Variants in FAM171A1 observed in about 807,000 individuals in gnomAD.
FAM171A1 encodes family with sequence similarity 171 member A1, also known as protein FAM171A1.
FAM171A1 carries 23 observed loss-of-function variants against 74.9 expected under a neutral mutation model. That is an observed-to-expected ratio of 0.31 (90% CI 0.22 to 0.44). The LOEUF (loss-of-function observed/expected upper bound fraction) is 0.44. FAM171A1 is among the 20% of genes least tolerant of loss of function. The pLI, the probability that FAM171A1 is intolerant of heterozygous loss-of-function variation, is 1.00. For synonymous variants in FAM171A1, 527 were observed against 505.7 expected, an observed-to-expected ratio of 1.04 and a Z score of -0.57; for missense variants, 1,162 against 1,159.2, an observed-to-expected ratio of 1.00 and a Z score of -0.03.
At chr10:15,342,793 G>A (rs541507054) in intron 1 of FAM171A1, among the ~76,000 whole-genome samples, 1 of 152,334 alleles carries the variant, frequency 6.6e-6, no homozygotes, top group African/African-American at 2.4e-5. Context: ...TAGAAGGCAA[G>A]TCAGACCCTC....
chr10:15,301,111 G>C (rs564457101), intron 1 of FAM171A1, among the ~76,000 whole-genome samples: 206 of 152,246 alleles, frequency 1.4e-3, no homozygotes, highest in African/African-American at 4.1e-3. Flanking sequence ...GGTCTCTTAA[G>C]TACTTCTGCA....
intron 1 of FAM171A1, among the ~76,000 whole-genome samples, chr10:15,330,129 G>A (rs894421395): frequency 6.6e-6 from 1 of 152,154 alleles, no homozygotes; most frequent in Non-Finnish European, 1.5e-5. Context: ...ATCACTTGAA[G>A]TCAGGAGTTC....
chr10:15,242,957 T>C (rs1834381414), intron 5 of FAM171A1, among the ~76,000 whole-genome samples: 1 of 152,214 alleles, frequency 6.6e-6, no homozygotes, highest in African/African-American at 2.4e-5. Flanking sequence ...TTGTATTCAT[T>C]TCCTATTGCT....
At chr10:15,363,128 C>T (rs562777621) in intron 1 of FAM171A1, among the ~76,000 whole-genome samples, 9 of 152,176 alleles carry the variant, frequency 5.9e-5, no homozygotes, top group East Asian at 5.8e-4. Flanking sequence ...ATAAAGGAAA[C>T]GCTTTAGAGG....
intron 1 of FAM171A1, among the ~76,000 whole-genome samples, chr10:15,294,746 T>C (rs1835141162): frequency 6.6e-6 from 1 of 152,286 alleles, no homozygotes; most frequent in African/African-American, 2.4e-5. Context: ...CTGTTTCCAA[T>C]TGTTGGCTTG....
chr10:15,365,291 C>A (rs1836045592), intron 1 of FAM171A1, among the ~76,000 whole-genome samples: 1 of 152,156 alleles, frequency 6.6e-6, no homozygotes, highest in Non-Finnish European at 1.5e-5. Flanking sequence ...TGCCGGGCTG[C>A]AGAAGGAAGG....
intron 1 of FAM171A1, among the ~76,000 whole-genome samples, chr10:15,350,515 G>T (rs1448905418): frequency 6.8e-6 from 1 of 146,908 alleles, no homozygotes; most frequent in African/African-American, 2.5e-5. Context: ...CTAATTTTTT[G>T]TATTTTTAGT....
At chr10:15,218,730 G>T (rs1156742771) in intron 6 of FAM171A1, among the ~76,000 whole-genome samples, 1 of 152,050 alleles carries the variant, frequency 6.6e-6, no homozygotes. Flanking sequence ...AAGTAACCGG[G>T]ATTACAGGTG....
At position 15,318,360 on chromosome 10, in the gene FAM171A1, T is replaced by C. The variant is rs533923242; in HGVS notation, c.98-34255A>G. On this transcript the variant is annotated intron_variant, in intron 1 of 7. Transcript: ENST00000378116. The stretch of plus-strand genomic sequence containing the variant: ...GTCCTTCCCGGAAGGGAAAAGCTAC[T>C]GAGCTCAGTGATCAGTCCCAGTGCT... 2.0e-5 allele frequency among the ~76,000 whole-genome samples: 3 copies of C among 152,334 alleles called. No individual in the cohort carries two copies. The East Asian group carries it at 5.8e-4, about 29-fold the overall frequency.
intron 5 of FAM171A1, among the ~76,000 whole-genome samples, chr10:15,235,286 A>G (rs1305563240): frequency 7.8e-6 from 1 of 128,444 alleles, no homozygotes; most frequent in Non-Finnish European, 1.6e-5. Context: ...TGGGAGACAG[A>G]GCGAGACTCT....
At chr10:15,287,372 G>A (rs1425949717) in intron 1 of FAM171A1, among the ~76,000 whole-genome samples, 1 of 149,642 alleles carries the variant, frequency 6.7e-6, no homozygotes, top group African/African-American at 2.5e-5. Flanking sequence ...GATTACAGGT[G>A]TGACCCACCG....
At chr10:15,316,374 G>A (rs1390259943) in intron 1 of FAM171A1, among the ~76,000 whole-genome samples, 1 of 152,224 alleles carries the variant, frequency 6.6e-6, no homozygotes, top group Non-Finnish European at 1.5e-5. Context: ...GGCCATTCCT[G>A]CTGCGTGTGT....
In FAM171A1 at chr10:15,257,342, G is replaced by A. The variant is rs191644894; in HGVS notation, c.419-2463C>T. Among the ~76,000 whole-genome samples the A allele has an allele frequency of 4.7e-3, 723 of 152,258 alleles. 5 individuals are homozygous for A. The highest frequency in any genetic ancestry group is 0.01 in the Admixed American group (158 of 15,296). On this transcript the variant is annotated intron_variant, in intron 3 of 7. Transcript: ENST00000378116. ...GGTTGCTGAAAGACAAGGGGGAGCC[G>A]GGGAATGGGCCCAGGATACGCAGCC...
At chr10:15,310,077 T>A (rs1835342883) in intron 1 of FAM171A1, among the ~76,000 whole-genome samples, 1 of 152,206 alleles carries the variant, frequency 6.6e-6, no homozygotes, top group Non-Finnish European at 1.5e-5. Flanking sequence ...TACTTGATAG[T>A]CAAATTTTCT....
intron 1 of FAM171A1, among the ~76,000 whole-genome samples, chr10:15,368,162 A>C (rs989562832): frequency 6.6e-6 from 1 of 152,242 alleles, no homozygotes; most frequent in African/African-American, 2.4e-5. Context: ...ATTCATGATA[A>C]ACAAAGCCAA....
intron 1 of FAM171A1, among the ~76,000 whole-genome samples, chr10:15,294,094 G>A (rs967296192): frequency 1.2e-4 from 19 of 152,148 alleles, no homozygotes; most frequent in African/African-American, 4.6e-4. Context: ...GGGTGCTCCC[G>A]GAAGAGTCAC....
rs547703358 is a variant in FAM171A1 at position 15,263,138 on chromosome 10, T to C, written c.419-8259A>G. On this transcript the variant is annotated intron_variant, in intron 3 of 7. Coordinates refer to ENST00000378116, the MANE Select transcript of FAM171A1 (RefSeq NM_001010924.2). ...GTGGTGCCAGTCGGCCCGATGACAGTGCCCATGGGCAGCTGGGGGCATCTT... is the reference window on the plus strand; with the variant it reads ...GTGGTGCCAGTCGGCCCGATGACAGCGCCCATGGGCAGCTGGGGGCATCTT... 2.6e-5 allele frequency among the ~76,000 whole-genome samples: 4 copies of C among 152,290 alleles called. 1 individual carries two copies. In the East Asian group the frequency reaches 7.7e-4, roughly 29 times the overall value.
chr10:15,236,680 G>A (rs1192332098), intron 5 of FAM171A1, among the ~76,000 whole-genome samples: 1 of 152,164 alleles, frequency 6.6e-6, no homozygotes, highest in African/African-American at 2.4e-5. Context: ...TCAAGTGGAG[G>A]CAACTGAAAC....
chr10:15,273,850 A>C (rs1834859089), intron 3 of FAM171A1, among the ~76,000 whole-genome samples: 1 of 152,074 alleles, frequency 6.6e-6, no homozygotes, highest in African/African-American at 2.4e-5. Flanking sequence ...CATGCTAAAA[A>C]CTCTCAATAA....
Sources: allele counts gnomAD v4.1 joint callset (sites outside exome capture counted in the v4.1 genomes callset), GRCh38; gene constraint gnomAD v4.1.1; transcripts MANE v1.5; gene names NCBI Gene and HGNC (gene_info 2026-07-23, HGNC 2026-07-21).